MAPRE2: variants seen among roughly 807,000 people sequenced by gnomAD.
The protein encoded by MAPRE2 is microtubule-associated protein RP/EB family member 2.
MAPRE2 carries 13 observed loss-of-function variants against 43.2 expected under a neutral mutation model. The observed-to-expected ratio is 0.30, with a 90% confidence interval of 0.20 to 0.48. MAPRE2 has a LOEUF of 0.48. MAPRE2 is among the 20% of genes least tolerant of loss of function. MAPRE2 has a pLI of 0.99. For synonymous variants in MAPRE2, 135 were observed against 148.8 expected (o/e 0.91, Z 0.68); for missense variants, 161 against 400.2 (o/e 0.40, Z 5.10).
At chr18:35,014,687 C>T (rs989909242) in intron 2 of MAPRE2, among the ~76,000 whole-genome samples, 29 of 152,032 alleles carry the variant, frequency 1.9e-4, no homozygotes, top group African/African-American at 6.3e-4. Flanking sequence ...TGGGGACCAA[C>T]CTTAATTATC....
intron 1 of MAPRE2, among the ~76,000 whole-genome samples, chr18:35,049,211 A>G (rs1438293388): frequency 6.6e-6 from 1 of 152,172 alleles, no homozygotes; most frequent in Non-Finnish European, 1.5e-5. Flanking sequence ...TTGATTATAA[A>G]CAGTGGTATC....
At chr18:35,079,404 T>G (rs541517632) in intron 2 of MAPRE2, among the ~76,000 whole-genome samples, 1 of 152,370 alleles carries the variant, frequency 6.6e-6, no homozygotes, top group South Asian at 2.1e-4. Context: ...GCTCCATCAG[T>G]ACTTCTCCAA....
chr18:35,130,318 C>T (rs1321264071), intron 5 of MAPRE2, among the ~76,000 whole-genome samples: 2 of 152,026 alleles, frequency 1.3e-5, no homozygotes, highest in Admixed American at 6.5e-5. Flanking sequence ...TGGTCACCTT[C>T]AGTTTTTTTG....
chr18:35,023,798 G>T (rs142611394), intron 2 of MAPRE2, among the ~76,000 whole-genome samples: 10 of 152,074 alleles, frequency 6.6e-5, no homozygotes, highest in African/African-American at 1.7e-4. Context: ...TGAAACTGAA[G>T]CCACTGACTA....
At chr18:35,070,851 T>C (rs1907082783) in intron 2 of MAPRE2, among the ~76,000 whole-genome samples, 1 of 152,190 alleles carries the variant, frequency 6.6e-6, no homozygotes, top group Non-Finnish European at 1.5e-5. Context: ...GCTTTTTTCA[T>C]GGTTCCTTTG....
chr18:35,060,485 A>G (rs997779693), intron 1 of MAPRE2, among the ~76,000 whole-genome samples: 2 of 152,198 alleles, frequency 1.3e-5, no homozygotes, highest in Admixed American at 6.5e-5. Context: ...GCGTATGTCT[A>G]TGTGGGGCAG....
chr18:35,052,288 T>G (rs1436563034), intron 1 of MAPRE2, among the ~76,000 whole-genome samples: 1 of 152,202 alleles, frequency 6.6e-6, no homozygotes, highest in Admixed American at 6.5e-5. Context: ...CACCACAGAT[T>G]AGATTACATT....
chr18:35,133,444 G>T (rs1910250917), intron 6 of MAPRE2, among the ~76,000 whole-genome samples: 1 of 152,124 alleles, frequency 6.6e-6, no homozygotes, highest in African/African-American at 2.4e-5. Flanking sequence ...CTGCCACAGT[G>T]TCACATATAT....
At chr18:34,987,197 T>C (rs2097021449) in intron 1 of MAPRE2, among the ~76,000 whole-genome samples, 1 of 152,342 alleles carries the variant, frequency 6.6e-6, no homozygotes, top group East Asian at 1.9e-4. Flanking sequence ...AATACTTCAA[T>C]AGGTATATTG....
chr18:35,030,879 T>G (rs1387946784), intron 2 of MAPRE2, among the ~76,000 whole-genome samples: 1 of 152,196 alleles, frequency 6.6e-6, no homozygotes, highest in Non-Finnish European at 1.5e-5. Context: ...TTCCTTAATG[T>G]TTCTTGAACA....
intron 1 of MAPRE2, among the ~76,000 whole-genome samples, chr18:35,055,533 T>TTCTCTC (rs1483703932): frequency 1.3e-4 from 9 of 70,906 alleles, no homozygotes; most frequent in African/African-American, 5.6e-4. Flanking sequence ...CACTATTCAG[T>TTCTCTC]TCTCTGTGTG....
chr18:35,093,812 G>C (rs971591194), intron 2 of MAPRE2, among the ~76,000 whole-genome samples: 2 of 152,134 alleles, frequency 1.3e-5, no homozygotes, highest in African/African-American at 4.8e-5. Flanking sequence ...TGGGTACAAA[G>C]TTACAGTTAG....
At chr18:35,054,429 T>C (rs1345747236) in intron 1 of MAPRE2, among the ~76,000 whole-genome samples, 1 of 152,246 alleles carries the variant, frequency 6.6e-6, no homozygotes, top group East Asian at 1.9e-4. Context: ...GCCACTTATT[T>C]CGTTTAACAT....
chr18:34,995,952 G>T (rs1432742173), intron 1 of MAPRE2, among the ~76,000 whole-genome samples: 1 of 152,090 alleles, frequency 6.6e-6, no homozygotes, highest in African/African-American at 2.4e-5. Context: ...CCCCTCAACG[G>T]CTAGACGTAC....
At chr18:34,990,283 C>A (rs950913116) in intron 1 of MAPRE2, among the ~76,000 whole-genome samples, 11 of 152,118 alleles carry the variant, frequency 7.2e-5, no homozygotes, top group Non-Finnish European at 1.6e-4. Context: ...CCAAAAACTT[C>A]ATTTCTTCTG....
chr18:35,027,275 C>A (rs951704779), intron 2 of MAPRE2, among the ~76,000 whole-genome samples: 2 of 152,132 alleles, frequency 1.3e-5, no homozygotes, highest in African/African-American at 4.8e-5. Context: ...TTTGTGGCAG[C>A]CCTGACCAGC....
intron 2 of MAPRE2, among the ~76,000 whole-genome samples, chr18:35,081,101 A>G (rs994146761): frequency 1.3e-5 from 2 of 152,226 alleles, no homozygotes; most frequent in East Asian, 3.8e-4. Context: ...AAAAGTGTAG[A>G]AGGAGCCAAA....
intron 1 of MAPRE2, among the ~76,000 whole-genome samples, chr18:35,069,513 G>T (rs1174365538): frequency 1.5e-4 from 23 of 152,114 alleles, no homozygotes; most frequent in Admixed American, 1.5e-3. Context: ...GAGTTGATAG[G>T]AGTATAAATC....
chr18:35,028,607 T>A (rs142168656), intron 2 of MAPRE2, among the ~76,000 whole-genome samples: 3 of 152,316 alleles, frequency 2.0e-5, no homozygotes, highest in African/African-American at 4.8e-5. Context: ...GGCCTATCTC[T>A]GCATCAATCC....
Sources: gnomAD v4.1 joint callset for allele counts (sites outside exome capture counted in the v4.1 genomes callset) on GRCh38, gnomAD v4.1.1 for gene constraint, MANE v1.5 for transcripts, NCBI Gene and HGNC (gene_info 2026-07-23, HGNC 2026-07-21) for gene names.